Variants in ZNF732 observed in about 807,000 individuals in gnomAD.
ZNF732 encodes zinc finger protein LOC654254.
A neutral mutation model predicts 11.5 loss-of-function variants in ZNF732; 12 were observed. That is an observed-to-expected ratio of 1.05 (90% CI 0.67 to 1.70). The LOEUF (loss-of-function observed/expected upper bound fraction) is 1.70, where lower values mean the gene tolerates loss of function less well. Ranked by LOEUF, ZNF732 falls within the 40% of genes most tolerant of loss-of-function variation. The pLI is 0.00. For missense variants in ZNF732, 702 were observed against 676.9 expected (o/e 1.04, Z -0.41); for synonymous variants, 231 against 236.5 (o/e 0.98, Z 0.21).
rs568720535 is a variant in ZNF732, at chr4:270,902, G to A, written c.*197C>T. 3.0e-4 allele frequency: 214 copies of A among 722,224 alleles called. 1 individual carries two copies. In the South Asian group the frequency reaches 3.2e-3, roughly 11 times the overall value. 44.7% of individuals were successfully genotyped at this position (722,224 alleles called of 1,614,324 possible). ...TTATGTTGATTCAGGTATGCGGACTGTTTGAAGGCTTTCCCACATTCTTTA... is the reference window on the plus strand; with the variant it reads ...TTATGTTGATTCAGGTATGCGGACTATTTGAAGGCTTTCCCACATTCTTTA... On this transcript the variant is annotated 3_prime_UTR_variant, in exon 4 of 4. Transcript: ENST00000419098.
At chr4:294,412 C>G (rs1553841863) in intron 3 of ZNF732, among the ~76,000 whole-genome samples, 1 of 152,150 alleles carries the variant, frequency 6.6e-6, no homozygotes, top group African/African-American at 2.4e-5. Context: ...GTGTGAGAGA[C>G]ACACATTTTT....
intron 1 of ZNF732, among the ~76,000 whole-genome samples, chr4:304,623 G>T (rs888268285): frequency 2.0e-5 from 3 of 151,954 alleles, no homozygotes; most frequent in East Asian, 1.9e-4. Context: ...ATTTCTGAAC[G>T]CCTGCCTACA....
At chr4:303,448 C>T (rs1242403537) in intron 1 of ZNF732, among the ~76,000 whole-genome samples, 7 of 151,828 alleles carry the variant, frequency 4.6e-5, no homozygotes, top group Non-Finnish European at 8.8e-5. Flanking sequence ...GAAACTCCCT[C>T]TCTACTAAAA....
intron 3 of ZNF732, among the ~76,000 whole-genome samples, chr4:274,149 C>G (rs1258679026): frequency 6.6e-6 from 1 of 151,574 alleles, no homozygotes; most frequent in Non-Finnish European, 1.5e-5. Context: ...TGTAATTATT[C>G]TCTAAAATTT....
intron 3 of ZNF732, among the ~76,000 whole-genome samples, chr4:278,164 T>TAAATAA (rs1433915023): frequency 6.6e-6 from 1 of 152,178 alleles, no homozygotes; most frequent in Non-Finnish European, 1.5e-5. Flanking sequence ...TGAAATCTAA[T>TAAATAA]ATAAACATTT....
intron 1 of ZNF732, among the ~76,000 whole-genome samples, chr4:299,618 AATAAT>A (rs1419507204): frequency 1.7e-4 from 25 of 143,200 alleles, no homozygotes; most frequent in South Asian, 4.2e-4. Context: ...TTTATATATA[AATAAT>A]ATATTTGTAT....
intron 3 of ZNF732, 137 bp downstream of exon 3, chr4:295,301 A>T (rs1460977905): frequency 1.6e-6 from 1 of 639,500 alleles, no homozygotes; most frequent in Non-Finnish European, 2.7e-6. Context: ...CTATTCATGA[A>T]TATGAGAAAA....
At chr4:295,014 A>G (rs79718948) in intron 3 of ZNF732, among the ~76,000 whole-genome samples, 1 of 152,302 alleles carries the variant, frequency 6.6e-6, no homozygotes, top group African/African-American at 2.4e-5. Flanking sequence ...TCTGTCCCTG[A>G]TGTTCTTGGG....
rs140273571 is a variant in ZNF732, at chr4:289,888, G to A, written c.226+5550C>T. Reference sequence around the variant, plus strand: ...GGGCTTGTAATTTGATGTGAGATTTGACTGCAGACACAGATCCAAGCCATA... The same window carrying A: ...GGGCTTGTAATTTGATGTGAGATTTAACTGCAGACACAGATCCAAGCCATA... On this transcript the variant is annotated intron_variant, in intron 3 of 3. Coordinates refer to ENST00000419098, the MANE Select transcript of ZNF732 (RefSeq NM_001137608.3). Among the ~76,000 whole-genome samples, 554 of 152,198 alleles carry A rather than the reference G, an allele frequency of 3.6e-3. 4 individuals carry two copies. The highest frequency in any genetic ancestry group is 0.013 in the African/African-American group (523 of 41,520).
At chr4:281,848 C>A (rs1441149554) in intron 3 of ZNF732, among the ~76,000 whole-genome samples, 3 of 152,142 alleles carry the variant, frequency 2.0e-5, no homozygotes, top group Non-Finnish European at 2.9e-5. Context: ...CTCCAGGAAG[C>A]ACTAACAATA....
chr4:274,850 T>C (rs1173997238), intron 3 of ZNF732, among the ~76,000 whole-genome samples: 2 of 151,666 alleles, frequency 1.3e-5, no homozygotes, highest in East Asian at 3.8e-4. Context: ...ATGACAAACA[T>C]GTCTATACAT....
chr4:280,353 A>C (rs1719596475), intron 3 of ZNF732, among the ~76,000 whole-genome samples: 1 of 151,004 alleles, frequency 6.6e-6, no homozygotes, highest in African/African-American at 2.4e-5. Flanking sequence ...GCACTTTGGA[A>C]GGCTGAGGCA....
In ZNF732 at chr4:305,467, C is replaced by A. The variant is rs1720215422; in HGVS notation, c.-157G>T. The A allele has an allele frequency of 3.9e-6, 4 of 1,038,780 alleles. 1 individual carries two copies. The South Asian group carries it at 6.2e-5, about 16-fold the overall frequency. 64.3% of individuals were successfully genotyped at this position (1,038,780 alleles called of 1,614,324 possible). The stretch of plus-strand genomic sequence containing the variant: ...GACCCTAACCGAGCTCACGCTGGCG[C>A]AAAAGGCAAAAGCCGCGCCAGATCC... On this transcript the variant is annotated 5_prime_UTR_variant, in exon 1 of 4. Transcript: ENST00000419098.
chr4:295,979 T>C (rs1453774053), intron 2 of ZNF732, 50 bp downstream of exon 2: 6 of 1,576,798 alleles, frequency 3.8e-6, no homozygotes, highest in Non-Finnish European at 5.1e-6. Flanking sequence ...AAATAGAAAA[T>C]AAAACTCCCT....
chr4:295,972 T>C (rs1719941882), intron 2 of ZNF732, 57 bp downstream of exon 2: 10 of 1,570,682 alleles, frequency 6.4e-6, no homozygotes, highest in East Asian at 2.3e-5. Flanking sequence ...TCTACAAAAA[T>C]AGAAAATAAA....
Position 272,561 on chromosome 4 carries a change from A to ATT in ZNF732, c.295_296insAA (p.Ile99LysfsTer3), listed in dbSNP as rs1719411710. The ATT allele has an allele frequency of 2.5e-6, 4 of 1,595,640 alleles. No individual in the cohort carries two copies. Among genetic ancestry groups the ATT allele is most frequent in the Admixed American group, 1.8e-5 (1 of 56,118 alleles). On this transcript the variant is annotated frameshift_variant, in exon 4 of 4. Coordinates refer to ENST00000419098, the MANE Select transcript of ZNF732 (RefSeq NM_001137608.3). LOFTEE classifies it low-confidence loss of function (END_TRUNC). ...TCCACATTTCTCATATCTTCTTAAT[A>ATT]TAAGTTTGTGGAACGAATCTTCTAT...
rs553844762 is a variant in ZNF732, at chr4:287,130, G to A, written c.226+8308C>T. Among the ~76,000 whole-genome samples the A allele has an allele frequency of 6.0e-3, 911 of 152,176 alleles. 4 individuals carry two copies. The highest frequency in any genetic ancestry group is 9.9e-3 in the Non-Finnish European group (676 of 68,008). ...GGCGCCACTGCACTCCAGCCTGGGC[G>A]ACAGAGCAAGACTCCGTCGCAAAAC... On this transcript the variant is annotated intron_variant, in intron 3 of 3. Coordinates refer to ENST00000419098, the MANE Select transcript of ZNF732 (RefSeq NM_001137608.3).
intron 3 of ZNF732, among the ~76,000 whole-genome samples, chr4:275,048 T>G (rs1719464224): frequency 6.6e-6 from 1 of 151,608 alleles, no homozygotes. Context: ...AGTATTAAAC[T>G]ATTACGCCTA....
In ZNF732 at chr4:271,457, AT is replaced by A; in HGVS notation, c.1399del (p.Ile467PhefsTer23). 2 of 1,607,230 alleles carry A rather than the reference AT, an allele frequency of 1.2e-6. No homozygotes were observed. The highest frequency in any genetic ancestry group is 3.4e-5 in the Admixed American group (2 of 58,936). ...WSAYLSKHKKIHTGEKPYRCE... is the reference protein window; with the variant it reads ...WSAYLSKHKKXHTGEKPYRCE... ...TCTATAAGGTTTCTCTCCAGTATGA[AT>A]TTTCTTATGTTTACTCAGGTATGCA... On this transcript the variant is annotated frameshift_variant, in exon 4 of 4. Transcript: ENST00000419098. LOFTEE classifies it low-confidence loss of function (END_TRUNC).
Sources: allele counts gnomAD v4.1 joint callset (sites outside exome capture counted in the v4.1 genomes callset), GRCh38; gene constraint gnomAD v4.1.1; transcripts MANE v1.5; gene names NCBI Gene and HGNC (gene_info 2026-07-23, HGNC 2026-07-21).